ARL13B: variants seen among roughly 807,000 people sequenced by gnomAD.
ARL13B encodes ARF like GTPase 13B.
ARL13B carries 36 observed loss-of-function variants against 56.1 expected under a neutral mutation model. The ratio of observed to expected loss-of-function variants is 0.64; its 90% confidence interval spans 0.49 to 0.85. The LOEUF (loss-of-function observed/expected upper bound fraction) is 0.85, where lower values mean the gene tolerates loss of function less well. ARL13B is among the 40% of genes least tolerant of loss of function. ARL13B has a pLI of 0.00. For synonymous variants in ARL13B, 178 were observed against 171.1 expected (o/e 1.04, Z -0.32); for missense variants, 519 against 507.1 (o/e 1.02, Z -0.23).
At chr3:93,986,441 T>C (rs915456956) in intron 1 of ARL13B, among the ~76,000 whole-genome samples, 1 of 152,222 alleles carries the variant, frequency 6.6e-6, no homozygotes, top group African/African-American at 2.4e-5. Context: ...TCTATCAATT[T>C]GTCGTATAGT....
At chr3:94,008,861 C>T (rs1323955544) in intron 3 of ARL13B, among the ~76,000 whole-genome samples, 3 of 152,104 alleles carry the variant, frequency 2.0e-5, no homozygotes, top group Non-Finnish European at 4.4e-5. Context: ...GCCTGCTTTT[C>T]TGTGGAGTTA....
chr3:93,980,611 G>T, intron 1 of ARL13B, 129 bp downstream of exon 1: 2 of 1,152,362 alleles, frequency 1.7e-6, no homozygotes, highest in Non-Finnish European at 1.2e-6. Flanking sequence ...TTCATTCCCA[G>T]GGTGTCCCGG....
intron 8 of ARL13B, 86 bp downstream of exon 8, chr3:94,049,608 T>C: frequency 5.8e-6 from 6 of 1,039,078 alleles, no homozygotes; most frequent in Non-Finnish European, 8.8e-6. Flanking sequence ...ATCTTGTCAT[T>C]TTTATTCTGT....
intron 3 of ARL13B, among the ~76,000 whole-genome samples, chr3:94,009,512 G>C (rs1310901596): frequency 6.6e-6 from 1 of 151,974 alleles, no homozygotes; most frequent in Admixed American, 6.6e-5. Flanking sequence ...CATACTTTTA[G>C]TATGTTAAAC....
intron 6 of ARL13B, among the ~76,000 whole-genome samples, 189 bp downstream of exon 6, chr3:94,040,177 G>T (rs943508699): frequency 2.6e-5 from 4 of 152,096 alleles, no homozygotes; most frequent in Admixed American, 2.0e-4. Flanking sequence ...AATTACCTTT[G>T]AATCTAGTGT....
intron 2 of ARL13B, among the ~76,000 whole-genome samples, chr3:94,003,377 G>C (rs1025533144): frequency 6.6e-6 from 1 of 152,238 alleles, no homozygotes; most frequent in Non-Finnish European, 1.5e-5. Flanking sequence ...TAGCCTTAAA[G>C]GCAAGAGTTT....
intron 7 of ARL13B, among the ~76,000 whole-genome samples, chr3:94,046,473 C>A (rs1025530921): frequency 6.6e-6 from 1 of 151,852 alleles, no homozygotes; most frequent in African/African-American, 2.4e-5. Flanking sequence ...AACGTCATTC[C>A]TTTGAGAATC....
chr3:94,039,821 T>C, intron 5 of ARL13B, 59 bp from the exon 6 acceptor site: 1 of 1,487,148 alleles, frequency 6.7e-7, no homozygotes, highest in Non-Finnish European at 9.3e-7. Flanking sequence ...TGCAGTTTTC[T>C]TTAACATGGT....
intron 3 of ARL13B, among the ~76,000 whole-genome samples, chr3:94,029,162 T>C (rs1464522059): frequency 6.6e-6 from 1 of 150,776 alleles, no homozygotes; most frequent in African/African-American, 2.4e-5. Flanking sequence ...CAAAATTAAT[T>C]TATACCAGAG....
At position 93,980,268 on chromosome 3, in the gene ARL13B, A is replaced by G. The variant is rs1710140508; in HGVS notation, c.-156A>G. The G allele has an allele frequency of 2.2e-6, 2 of 922,238 alleles. No individual in the cohort carries two copies. Among genetic ancestry groups the G allele is most frequent in the Non-Finnish European group, 1.7e-6 (1 of 582,052 alleles). The allele number at this position is 922,238 out of a possible 1,614,324, so 57.1% of individuals were successfully genotyped here. Reference sequence around the variant, plus strand: ...CGGACCCACGCGGTTAGCAAGGCTTAGTGCTCGGGCCGGCCGCCTTCACTT... The same window carrying G: ...CGGACCCACGCGGTTAGCAAGGCTTGGTGCTCGGGCCGGCCGCCTTCACTT... On this transcript the variant is annotated 5_prime_UTR_variant, in exon 1 of 10. Coordinates refer to ENST00000394222, the MANE Select transcript of ARL13B (RefSeq NM_001174150.2).
rs950012658 is a variant in ARL13B, at chr3:93,980,207, G to C, written c.-217G>C. The C allele has an allele frequency of 1.4e-6, 1 of 704,540 alleles. No individual in the cohort carries two copies. The highest frequency in any genetic ancestry group is 1.5e-5 in the South Asian group (1 of 66,992). 43.6% of individuals were successfully genotyped at this position (704,540 alleles called of 1,614,324 possible). On this transcript the variant is annotated 5_prime_UTR_variant, in exon 1 of 10. Transcript: ENST00000394222. ...TCGGCTACGGTGTATCTGCGTCTTT[G>C]GTCAGGTTGTTCCTTGGCTAAGAGG...
chr3:93,980,495 CA>C lies in ARL13B; in HGVS notation c.59+14del, dbSNP rs1474090511. On this transcript the variant is annotated intron_variant, in intron 1 of 9. Transcript: ENST00000394222. Reference sequence around the variant, plus strand: ...GGGAGCCTGTCAGGTAGGCTGGAGCCAGCTGTCCTGGCCGTCCTAGGGGTTG... The same window carrying C: ...GGGAGCCTGTCAGGTAGGCTGGAGCCGCTGTCCTGGCCGTCCTAGGGGTTG... 1 of 1,609,550 alleles carries C rather than the reference CA, an allele frequency of 6.2e-7. No homozygotes were observed. Among genetic ancestry groups the C allele is most frequent in the African/African-American group, 1.3e-5 (1 of 74,924 alleles).
In ARL13B at chr3:94,039,911, G is replaced by T. The variant is rs757984271; in HGVS notation, c.721G>T (p.Asp241Tyr). The change falls in exon 6 of 10, where the codon GAT becomes TAT. Residue 241 changes from aspartate (D) to tyrosine (Y), a missense_variant. Transcript: ENST00000394222. ...KQNEQEQAELDGTSGLAELDP... is the reference protein window; with the variant it reads ...KQNEQEQAELYGTSGLAELDP... ...AAATGAACAGGAGCAGGCTGAACTC[G>T]ATGGAACCAGTGGTCTGGCTGAGTT... The T allele has an allele frequency of 1.2e-6, 2 of 1,614,008 alleles. No individual in the cohort carries two copies. The highest frequency in any genetic ancestry group is 8.5e-7 in the Non-Finnish European group (1 of 1,179,982).
chr3:94,020,537 G>T (rs1327917320), intron 3 of ARL13B, among the ~76,000 whole-genome samples: 1 of 152,128 alleles, frequency 6.6e-6, no homozygotes, highest in African/African-American at 2.4e-5. Flanking sequence ...ATCATTTAGG[G>T]TGAGTTCTGA....
intron 3 of ARL13B, among the ~76,000 whole-genome samples, chr3:94,009,512 G>A (rs1310901596): frequency 1.3e-5 from 2 of 151,974 alleles, no homozygotes; most frequent in Non-Finnish European, 2.9e-5. Context: ...CATACTTTTA[G>A]TATGTTAAAC....
chr3:94,029,345 T>TTTA (rs1559997866), intron 3 of ARL13B, among the ~76,000 whole-genome samples: 17 of 104,484 alleles, frequency 1.6e-4, no homozygotes, highest in Admixed American at 4.0e-4. Flanking sequence ...TTTATTTTTT[T>TTTA]TTTATTTTTT....
chr3:94,055,333 A>T lies in ARL13B; in HGVS notation c.*2070A>T, dbSNP rs1393913962. ...TTTAAATGATTTCCTTTGGGTAATA[A>T]AATAGGTAAAGATTTTAAAATATGA... On this transcript the variant is annotated 3_prime_UTR_variant, in exon 10 of 10. Coordinates refer to ENST00000394222, the MANE Select transcript of ARL13B (RefSeq NM_001174150.2). The T allele has an allele frequency of 2.3e-6, 1 of 433,868 alleles. No homozygotes were observed. Among genetic ancestry groups the T allele is most frequent in the African/African-American group, 2.0e-5 (1 of 49,102 alleles). 26.9% of individuals were successfully genotyped at this position (433,868 alleles called of 1,614,324 possible). A position where few individuals can be genotyped will look rare whatever the true frequency, so the allele number is the denominator to read the frequency against.
Position 93,980,190 on chromosome 3 carries a change from G to T in ARL13B, c.-234G>T, listed in dbSNP as rs114936013. The T allele has an allele frequency of 4.9e-3, 3,370 of 686,534 alleles. 81 individuals carry two copies. The African/African-American group carries it at 0.053, about 11-fold the overall frequency. The allele number at this position is 686,534 out of a possible 1,614,324, so 42.5% of individuals were successfully genotyped here. On this transcript the variant is annotated 5_prime_UTR_variant, in exon 1 of 10. Coordinates refer to ENST00000394222, the MANE Select transcript of ARL13B (RefSeq NM_001174150.2). ...AGCCGGGTCCCGCTAACTCGGCTAC[G>T]GTGTATCTGCGTCTTTGGTCAGGTT...
intron 1 of ARL13B, among the ~76,000 whole-genome samples, chr3:93,983,095 A>T (rs1710296065): frequency 6.6e-6 from 1 of 152,178 alleles, no homozygotes; most frequent in African/African-American, 2.4e-5. Flanking sequence ...ATGGTTATTA[A>T]TATACTATAT....
Sources: gnomAD v4.1 joint callset for allele counts (sites outside exome capture counted in the v4.1 genomes callset) on GRCh38, gnomAD v4.1.1 for gene constraint, MANE v1.5 for transcripts, NCBI Gene and HGNC (gene_info 2026-07-23, HGNC 2026-07-21) for gene names.